Variants in AGBL1 observed in about 807,000 individuals in gnomAD.
The protein encoded by AGBL1 is AGBL carboxypeptidase 1.
In AGBL1, 130 loss-of-function variants were observed where a neutral mutation model predicts 118.9. That is an observed-to-expected ratio of 1.09 (90% CI 0.95 to 1.26). The LOEUF is 1.26. AGBL1 is among the 50% of genes most tolerant of loss of function. The pLI is 0.00. For missense variants in AGBL1, 1,584 were observed against 1,298.1 expected (o/e 1.22, Z -3.38); for synonymous variants, 555 against 478.9 (o/e 1.16, Z -2.08).
chr15:86,379,043 G>T (rs1396134149), intron 17 of AGBL1, among the ~76,000 whole-genome samples: 1 of 151,956 alleles, frequency 6.6e-6, no homozygotes, highest in Non-Finnish European at 1.5e-5. Context: ...CTCCCGAGTG[G>T]CTGGGACTAC....
At chr15:86,300,318 T>A (rs892692381) in intron 17 of AGBL1, among the ~76,000 whole-genome samples, 11 of 152,186 alleles carry the variant, frequency 7.2e-5, no homozygotes, top group African/African-American at 2.4e-4. Context: ...TTTGGAGAGC[T>A]ATATCTCTGG....
rs148489853 is a variant in AGBL1 at position 87,026,186 on chromosome 15, C to T, written c.3324-2639C>T. ...TTAGTTAAACTAAAGAGCTTTTGCA[C>T]GGCAAAAGGAACAGTTAGCAGAGTA... On this transcript the variant is annotated intron_variant, in intron 24 of 24. Coordinates refer to the AGBL1 transcript ENST00000441037. Among the ~76,000 whole-genome samples the T allele has an allele frequency of 6.9e-4, 105 of 151,976 alleles. 2 individuals carry two copies. The East Asian group carries it at 0.018, about 26-fold the overall frequency.
At chr15:86,212,285 T>C (rs1185927073) in intron 5 of AGBL1, among the ~76,000 whole-genome samples, 1 of 152,234 alleles carries the variant, frequency 6.6e-6, no homozygotes, top group East Asian at 1.9e-4. Flanking sequence ...AAATACGCAA[T>C]TTCCATGTTA....
intron 17 of AGBL1, among the ~76,000 whole-genome samples, chr15:86,357,381 T>C (rs2080737806): frequency 6.6e-6 from 1 of 152,220 alleles, no homozygotes; most frequent in Admixed American, 6.5e-5. Flanking sequence ...CAGAGAATTA[T>C]AGAATTGGCG....
chr15:86,501,408 C>T (rs886424778), intron 18 of AGBL1, among the ~76,000 whole-genome samples: 1 of 151,424 alleles, frequency 6.6e-6, no homozygotes, highest in African/African-American at 2.4e-5. Flanking sequence ...GTGTCTTTTT[C>T]ACTTTCTTGA....
At chr15:86,645,076 C>T (rs1300041894) in intron 21 of AGBL1, among the ~76,000 whole-genome samples, 7 of 151,712 alleles carry the variant, frequency 4.6e-5, no homozygotes, top group African/African-American at 1.5e-4. Context: ...CTTTGATGAA[C>T]AAACATATGA....
chr15:86,779,965 T>A (rs1281581081), intron 22 of AGBL1, among the ~76,000 whole-genome samples: 1 of 151,970 alleles, frequency 6.6e-6, no homozygotes, highest in Non-Finnish European at 1.5e-5. Context: ...CACTCCCTTG[T>A]CAGTATGTTT....
chr15:86,838,257 C>T (rs866370439), intron 22 of AGBL1, among the ~76,000 whole-genome samples: 6 of 151,846 alleles, frequency 4.0e-5, no homozygotes, highest in Admixed American at 3.9e-4. Flanking sequence ...ACACAGTGCT[C>T]TTTATATAAA....
intron 18 of AGBL1, among the ~76,000 whole-genome samples, chr15:86,496,297 A>C (rs779698199): frequency 5.9e-5 from 9 of 151,994 alleles, no homozygotes; most frequent in Non-Finnish European, 8.8e-5. Context: ...CATGACTATA[A>C]GTTTCCTGAG....
intron 3 of AGBL1, among the ~76,000 whole-genome samples, chr15:86,152,889 G>A (rs1000927242): frequency 6.6e-6 from 1 of 152,206 alleles, no homozygotes; most frequent in Non-Finnish European, 1.5e-5. Context: ...CATTTATGCA[G>A]CCAACAGACA....
chr15:86,748,703 T>G (rs28816674), intron 22 of AGBL1, among the ~76,000 whole-genome samples: 30,919 of 151,216 alleles, frequency 0.2, 3,348 homozygotes, highest in East Asian at 0.28. Flanking sequence ...TGTAAGGAAG[T>G]ATCCAGTTTC....
At chr15:86,515,553 A>T (rs1463036982) in intron 18 of AGBL1, among the ~76,000 whole-genome samples, 1 of 152,136 alleles carries the variant, frequency 6.6e-6, no homozygotes, top group Non-Finnish European at 1.5e-5. Flanking sequence ...TATTCTAACA[A>T]TTTTTTGTGA....
chr15:86,574,020 C>T (rs1487895614), intron 21 of AGBL1, among the ~76,000 whole-genome samples: 1 of 151,846 alleles, frequency 6.6e-6, no homozygotes, highest in East Asian at 1.9e-4. Flanking sequence ...CAGAAAACTA[C>T]CAGCGACCAA....
intron 17 of AGBL1, among the ~76,000 whole-genome samples, chr15:86,364,963 A>ATG (rs1335137632): frequency 3.5e-5 from 1 of 28,630 alleles, no homozygotes; most frequent in African/African-American, 1.1e-4. Context: ...TCACACATAT[A>ATG]TATATATATA....
intron 5 of AGBL1, among the ~76,000 whole-genome samples, chr15:86,195,698 T>C (rs1412522325): frequency 6.6e-6 from 1 of 152,180 alleles, no homozygotes; most frequent in African/African-American, 2.4e-5. Context: ...TATAGCATTT[T>C]TTATTGAGGA....
chr15:86,245,171 AAAAG>A, intron 6 of AGBL1, among the ~76,000 whole-genome samples: 1 of 152,362 alleles, frequency 6.6e-6, no homozygotes, highest in Non-Finnish European at 1.5e-5. Context: ...CAAGCAGAAA[AAAAG>A]AGAGTTTTAT....
At chr15:86,517,614 G>C (rs184588336) in intron 18 of AGBL1, among the ~76,000 whole-genome samples, 1 of 152,248 alleles carries the variant, frequency 6.6e-6, no homozygotes, top group Admixed American at 6.5e-5. Context: ...TGGGTTCCTG[G>C]AGGTGTGTAG....
intron 22 of AGBL1, among the ~76,000 whole-genome samples, chr15:86,808,230 G>A (rs982319419): frequency 3.3e-5 from 5 of 152,232 alleles, no homozygotes; most frequent in Admixed American, 6.5e-5. Context: ...ATGCGTCTCA[G>A]TTGAGAGAAT....
intron 1 of AGBL1, among the ~76,000 whole-genome samples, chr15:86,120,821 A>G (rs534807916): frequency 6.6e-6 from 1 of 152,234 alleles, no homozygotes; most frequent in South Asian, 2.1e-4. Context: ...CCAAGGATAA[A>G]AGAAACTTTT....
Sources: allele counts gnomAD v4.1 joint callset (sites outside exome capture counted in the v4.1 genomes callset), GRCh38; gene constraint gnomAD v4.1.1; transcripts MANE v1.5; gene names NCBI Gene and HGNC (gene_info 2026-07-23, HGNC 2026-07-21).